Variants in ZNF736 observed in about 807,000 individuals in gnomAD.
ZNF736 encodes the protein zinc finger protein 736, also known as KRAB-containing zinc-finger repressor protein.
A neutral mutation model predicts 11.7 loss-of-function variants in ZNF736; 6 were observed. That is an observed-to-expected ratio of 0.51 (90% CI 0.28 to 1.01). The LOEUF is 1.01. Among genes scored for constraint, ZNF736 ranks in the 50% least tolerant of loss-of-function variants. The probability of loss-of-function intolerance (pLI) is 0.09; values close to 1 mark genes in which losing one functional copy is unlikely to be tolerated. For synonymous variants in ZNF736, 139 were observed against 164.7 expected (o/e 0.84, Z 1.19); for missense variants, 444 against 496.0 (o/e 0.90, Z 1.00).
chr7:64,322,404 T>C (rs753562259), intron 1 of ZNF736, among the ~76,000 whole-genome samples: 2 of 152,204 alleles, frequency 1.3e-5, no homozygotes, highest in Non-Finnish European at 2.9e-5. Context: ...TAGTATATCA[T>C]CTACAAATAG....
intron 3 of ZNF736, among the ~76,000 whole-genome samples, chr7:64,338,885 A>C (rs1789297012): frequency 6.6e-6 from 1 of 152,008 alleles, no homozygotes; most frequent in Non-Finnish European, 1.5e-5. Flanking sequence ...AGTACTATTA[A>C]AAAATTTTTA....
At chr7:64,329,629 A>G (rs371275812) in intron 1 of ZNF736, among the ~76,000 whole-genome samples, 2,756 of 151,640 alleles carry the variant, frequency 0.018, 49 homozygotes, top group African/African-American at 0.043. Context: ...CTCTCTCTGC[A>G]TGCTGAGCTA....
chr7:64,348,770 C>T lies in ZNF736; in HGVS notation c.907C>T (p.His303Tyr). The T allele has an allele frequency of 6.3e-7, 1 of 1,591,612 alleles. No individual in the cohort carries two copies. The highest frequency in any genetic ancestry group is 8.6e-7 in the Non-Finnish European group (1 of 1,168,822). ...TAGGTGGTTCTCAGACCTTGCTAAACATAAGATAATTCATACTGGAGACAA... is the reference window on the plus strand; with the variant it reads ...TAGGTGGTTCTCAGACCTTGCTAAATATAAGATAATTCATACTGGAGACAA... ...AYRWFSDLAK[H>Y]KIIHTGDKPY... is the part of the protein sequence containing the mutation. Residue 303 changes from histidine (H) to tyrosine (Y), a missense_variant, in exon 4 of 4, where the codon CAT becomes TAT. Coordinates refer to ENST00000423484, the MANE Select transcript of ZNF736 (RefSeq NM_001170905.3).
chr7:64,346,043 G>T (rs1432640515), intron 3 of ZNF736, among the ~76,000 whole-genome samples: 1 of 152,108 alleles, frequency 6.6e-6, no homozygotes, highest in Non-Finnish European at 1.5e-5. Flanking sequence ...TTATGTATTA[G>T]TGAAAGTGGG....
intron 3 of ZNF736, among the ~76,000 whole-genome samples, chr7:64,343,663 C>T (rs552808934): frequency 6.6e-6 from 1 of 152,260 alleles, no homozygotes; most frequent in East Asian, 1.9e-4. Context: ...TTTGGTAGTA[C>T]ACTATGTTGA....
chr7:64,343,075 T>C (rs1462195566), intron 3 of ZNF736, among the ~76,000 whole-genome samples: 2 of 152,196 alleles, frequency 1.3e-5, no homozygotes, highest in Non-Finnish European at 2.9e-5. Context: ...ATGATTATAA[T>C]GCATTTTCTA....
intron 1 of ZNF736, among the ~76,000 whole-genome samples, chr7:64,325,167 T>TAA (rs35847954): frequency 2.0e-5 from 3 of 148,708 alleles, no homozygotes; most frequent in Admixed American, 1.3e-4. Flanking sequence ...AAACCAGTTG[T>TAA]AAAAAAAAAA....
chr7:64,339,220 G>T (rs2115941951), intron 3 of ZNF736, among the ~76,000 whole-genome samples: 1 of 151,988 alleles, frequency 6.6e-6, no homozygotes, highest in Non-Finnish European at 1.5e-5. Flanking sequence ...ATATATTTTT[G>T]ATACTAACCA....
intron 1 of ZNF736, among the ~76,000 whole-genome samples, chr7:64,320,745 T>C (rs902176238): frequency 6.6e-6 from 1 of 152,196 alleles, no homozygotes; most frequent in African/African-American, 2.4e-5. Context: ...AAATGTACTT[T>C]GAAATCTCTT....
chr7:64,337,363 G>C (rs1297352269), intron 3 of ZNF736: 1 of 188,324 alleles, frequency 5.3e-6, no homozygotes, highest in Non-Finnish European at 1.1e-5. Flanking sequence ...ATTTTTTTAA[G>C]TTCTGTTTTT....
At chr7:64,334,888 A>G (rs184504342) in intron 1 of ZNF736, among the ~76,000 whole-genome samples, 1 of 152,336 alleles carries the variant, frequency 6.6e-6, no homozygotes, top group African/African-American at 2.4e-5. Flanking sequence ...AGCCAACCCA[A>G]ATGCCCATCA....
chr7:64,347,113 A>G (rs1303097470), intron 3 of ZNF736, among the ~76,000 whole-genome samples: 3 of 151,600 alleles, frequency 2.0e-5, no homozygotes, highest in Non-Finnish European at 4.4e-5. Flanking sequence ...TGTCTGAGGG[A>G]ATATGATACC....
Position 64,348,987 on chromosome 7 carries a change from G to A in ZNF736, c.1124G>A (p.Ser375Asn), listed in dbSNP as rs116129588. ...EERPYKCEEC[S>N]KTFKCFSDLT... is the part of the protein sequence containing the mutation. ...AGACCTTACAAATGTGAAGAATGCA[G>A]CAAAACCTTTAAGTGCTTCTCAGAC... The change falls in exon 4 of 4, where the codon AGC becomes AAC. Residue 375 changes from serine to asparagine, a missense_variant. Physicochemically the swap from Ser to Asn is conservative, Grantham distance 46. Transcript: ENST00000423484. 6.6e-4 allele frequency: 1,050 copies of A among 1,589,930 alleles called. 3 individuals are homozygous for A. The African/African-American group carries it at 7.5e-3, about 11-fold the overall frequency.
chr7:64,323,179 T>C (rs56077913), intron 1 of ZNF736, among the ~76,000 whole-genome samples: 9,037 of 152,308 alleles, frequency 0.059, 293 homozygotes, highest in Middle Eastern at 0.082. Context: ...GTAAATTCTG[T>C]GAGTTCTTTT....
intron 1 of ZNF736, among the ~76,000 whole-genome samples, chr7:64,329,940 T>G (rs2115905620): frequency 6.6e-6 from 1 of 152,304 alleles, no homozygotes; most frequent in Non-Finnish European, 1.5e-5. Context: ...TATTCTGTTG[T>G]GGCTTAGCTG....
chr7:64,331,932 CTT>C (rs1392634301), intron 1 of ZNF736, among the ~76,000 whole-genome samples: 1 of 151,988 alleles, frequency 6.6e-6, no homozygotes, highest in Non-Finnish European at 1.5e-5. Context: ...CTGAACCTCT[CTT>C]GTGATAAAGA....
intron 1 of ZNF736, among the ~76,000 whole-genome samples, chr7:64,332,707 C>A (rs1319902220): frequency 1.3e-5 from 2 of 152,090 alleles, no homozygotes; most frequent in Non-Finnish European, 2.9e-5. Flanking sequence ...GACAGACACT[C>A]CCAGAGCTGC....
intron 1 of ZNF736, among the ~76,000 whole-genome samples, chr7:64,314,780 G>A (rs1788887864): frequency 6.6e-6 from 1 of 152,108 alleles, no homozygotes; most frequent in African/African-American, 2.4e-5. Flanking sequence ...GCTCAGGCTG[G>A]TCTCGAACTC....
intron 1 of ZNF736, among the ~76,000 whole-genome samples, chr7:64,319,274 A>G (rs1788959787): frequency 3.4e-5 from 5 of 147,314 alleles, no homozygotes. Flanking sequence ...GTGTGTATAT[A>G]TAAAATATGT....
Sources: gnomAD v4.1 joint callset for allele counts (sites outside exome capture counted in the v4.1 genomes callset) on GRCh38, gnomAD v4.1.1 for gene constraint, MANE v1.5 for transcripts, NCBI Gene and HGNC (gene_info 2026-07-23, HGNC 2026-07-21) for gene names.